The following MAML2 variants were observed in gnomAD, a reference collection of about 807,000 sequenced individuals.
MAML2 encodes the protein mastermind like transcriptional coactivator 2.
In MAML2, 22 loss-of-function variants were observed where a neutral mutation model predicts 96.1. That is an observed-to-expected ratio of 0.23 (90% CI 0.16 to 0.33). MAML2 has a LOEUF of 0.33. Ranked by LOEUF, MAML2 falls within the 10% of genes least tolerant of loss-of-function variation. The probability of loss-of-function intolerance (pLI) is 1.00; values close to 1 mark genes in which losing one functional copy is unlikely to be tolerated. For synonymous variants in MAML2, 561 were observed against 521.3 expected (o/e 1.08, Z -1.04); for missense variants, 1,367 against 1,392.4 (o/e 0.98, Z 0.29).
chr11:96,202,114 A>G (rs1406352678), intron 1 of MAML2, among the ~76,000 whole-genome samples: 3 of 147,784 alleles, frequency 2.0e-5, no homozygotes, highest in Non-Finnish European at 3.0e-5. Context: ...CAGGCGCATC[A>G]TGAGGTCAGG....
chr11:95,989,668 G>A (rs867865129), intron 3 of MAML2, among the ~76,000 whole-genome samples: 1 of 123,626 alleles, frequency 8.1e-6, no homozygotes, highest in African/African-American at 4.2e-5. Flanking sequence ...AAGGGAACAG[G>A]GGGGAGGACT....
At chr11:96,149,097 A>T (rs1860875481) in intron 1 of MAML2, among the ~76,000 whole-genome samples, 1 of 152,060 alleles carries the variant, frequency 6.6e-6, no homozygotes, top group African/African-American at 2.4e-5. Flanking sequence ...TGCCTCATCC[A>T]CGGTATCACA....
rs555842525 is a variant in MAML2 at position 96,173,695 on chromosome 11, G to A, written c.514-80178C>T. Among the ~76,000 whole-genome samples, 14 of 152,298 alleles carry A rather than the reference G, an allele frequency of 9.2e-5. No individual in the cohort carries two copies. In the South Asian group the frequency reaches 1.7e-3, roughly 18 times the overall value. On this transcript the variant is annotated intron_variant, in intron 1 of 4. Coordinates refer to ENST00000524717, the MANE Select transcript of MAML2 (RefSeq NM_032427.4). Reference sequence around the variant, plus strand: ...GGAAGCAAGGAAGTGGACCCTCAGCGATGGCAGAGGCCACAGGGGCGTCGA... The same window carrying A: ...GGAAGCAAGGAAGTGGACCCTCAGCAATGGCAGAGGCCACAGGGGCGTCGA...
At chr11:96,130,833 G>A (rs11824239) in intron 1 of MAML2, among the ~76,000 whole-genome samples, 2,543 of 150,582 alleles carry the variant, frequency 0.017, 59 homozygotes, top group African/African-American at 0.058. Flanking sequence ...ACTAAAATAC[G>A]CTTCCTATTA....
chr11:96,059,702 T>C (rs1859124285), intron 2 of MAML2, among the ~76,000 whole-genome samples: 1 of 152,328 alleles, frequency 6.6e-6, no homozygotes, highest in South Asian at 2.1e-4. Flanking sequence ...GAGCATTTCC[T>C]TTGAACATCA....
At chr11:95,988,408 G>T (rs1008976747) in intron 3 of MAML2, among the ~76,000 whole-genome samples, 1 of 151,354 alleles carries the variant, frequency 6.6e-6, no homozygotes, top group Non-Finnish European at 1.5e-5. Flanking sequence ...ACAGGTGCCC[G>T]CCATCATGCC....
chr11:96,047,891 G>C (rs541956356), intron 2 of MAML2, among the ~76,000 whole-genome samples: 1 of 130,348 alleles, frequency 7.7e-6, no homozygotes, highest in South Asian at 2.5e-4. Context: ...CAGCCTGGGC[G>C]ACAGGCAAGA....
chr11:95,994,302 C>A (rs911928712), intron 2 of MAML2, among the ~76,000 whole-genome samples: 6 of 152,156 alleles, frequency 3.9e-5, no homozygotes, highest in African/African-American at 1.4e-4. Flanking sequence ...CTTAAGGAAA[C>A]CATCCTCTAA....
intron 1 of MAML2, among the ~76,000 whole-genome samples, chr11:96,159,404 A>ATTTTTTTTTTTTTTT (rs1157893034): frequency 0.012 from 727 of 61,842 alleles, 160 homozygotes; most frequent in East Asian, 0.027. Context: ...TAAACCACTG[A>ATTTTTTTTTTTTTTT]TTCTTTTTTT....
chr11:96,206,159 C>T (rs1409871378), intron 1 of MAML2, among the ~76,000 whole-genome samples: 3 of 151,178 alleles, frequency 2.0e-5, no homozygotes, highest in Non-Finnish European at 4.4e-5. Flanking sequence ...TTTCAAAATG[C>T]TTTGTGAACA....
At chr11:96,145,111 T>C (rs1429044221) in intron 1 of MAML2, among the ~76,000 whole-genome samples, 1 of 152,220 alleles carries the variant, frequency 6.6e-6, no homozygotes, top group Non-Finnish European at 1.5e-5. Flanking sequence ...AGTCTGTGGG[T>C]TGGGCAAACA....
intron 1 of MAML2, among the ~76,000 whole-genome samples, chr11:96,155,551 TG>T (rs1860999781): frequency 1.5e-5 from 2 of 129,768 alleles, no homozygotes; most frequent in African/African-American, 3.0e-5. Context: ...TATATATATA[TG>T]AGGAAAGTCT....
At chr11:96,324,957 C>T (rs1863754809) in intron 1 of MAML2, among the ~76,000 whole-genome samples, 1 of 152,116 alleles carries the variant, frequency 6.6e-6, no homozygotes, top group Admixed American at 6.5e-5. Flanking sequence ...GGCTTTCATA[C>T]ATTAAAAGGT....
intron 2 of MAML2, among the ~76,000 whole-genome samples, chr11:96,052,214 AAGGT>A (rs1859000393): frequency 6.6e-6 from 1 of 152,170 alleles, no homozygotes; most frequent in Non-Finnish European, 1.5e-5. Flanking sequence ...TGGGTGAACC[AAGGT>A]AGTGACTACA....
At chr11:96,309,996 C>T (rs1031754577) in intron 1 of MAML2, among the ~76,000 whole-genome samples, 8 of 152,060 alleles carry the variant, frequency 5.3e-5, no homozygotes, top group African/African-American at 1.9e-4. Flanking sequence ...AGCCACCACA[C>T]CTGGTCAGAA....
intron 1 of MAML2, among the ~76,000 whole-genome samples, chr11:96,172,357 C>A (rs1861309985): frequency 1.3e-5 from 2 of 152,214 alleles, no homozygotes; most frequent in Admixed American, 6.5e-5. Flanking sequence ...GCATCAGAGC[C>A]AGACTGGTGG....
At chr11:96,056,430 T>G (rs910987611) in intron 2 of MAML2, among the ~76,000 whole-genome samples, 2 of 151,482 alleles carry the variant, frequency 1.3e-5, no homozygotes, top group African/African-American at 4.8e-5. Context: ...ATCCAAAGTC[T>G]TTGACATGAA....
At chr11:96,183,449 G>C (rs1019208865) in intron 1 of MAML2, among the ~76,000 whole-genome samples, 1 of 136,786 alleles carries the variant, frequency 7.3e-6, no homozygotes, top group South Asian at 2.4e-4. Flanking sequence ...CAGGGCTGGA[G>C]TACAGTGGCA....
At chr11:96,047,480 T>A (rs1858920449) in intron 2 of MAML2, among the ~76,000 whole-genome samples, 1 of 152,208 alleles carries the variant, frequency 6.6e-6, no homozygotes, top group African/African-American at 2.4e-5. Flanking sequence ...TGGAAATTTA[T>A]ATACAGAAAA....
Sources: gnomAD v4.1 joint callset for allele counts (sites outside exome capture counted in the v4.1 genomes callset) on GRCh38, gnomAD v4.1.1 for gene constraint, MANE v1.5 for transcripts, NCBI Gene and HGNC (gene_info 2026-07-23, HGNC 2026-07-21) for gene names.